MED14: variants seen among roughly 807,000 people sequenced by gnomAD.
The protein encoded by MED14 is mediator of RNA polymerase II transcription subunit 14.
Under a neutral mutation model 109.0 loss-of-function variants are expected in MED14, and 8 were observed. The observed-to-expected ratio is 0.07, with a 90% confidence interval of 0.04 to 0.13. MED14 has a LOEUF of 0.13. Ranked by LOEUF, MED14 falls within the 10% of genes least tolerant of loss-of-function variation. MED14 has a pLI of 1.00. For synonymous variants in MED14, 399 were observed against 408.7 expected (o/e 0.98, Z 0.29); for missense variants, 711 against 1,142.4 (o/e 0.62, Z 5.44).
intron 8 of MED14, among the ~76,000 whole-genome samples, chrX:40,710,490 A>G (rs1931300692): frequency 2.7e-5 from 3 of 111,876 alleles, no homozygotes; most frequent in Non-Finnish European, 1.9e-5. Context: ...GGAATCAAGT[A>G]AAGTTCAAAC....
intron 18 of MED14, 86 bp downstream of exon 18, chrX:40,682,511 TGGAACA>T: frequency 1.3e-6 from 1 of 744,291 alleles, no homozygotes; most frequent in African/African-American, 2.1e-5. Context: ...TTTTTTTGCT[TGGAACA>T]CTGTGCATGT....
chrX:40,724,351 T>C (rs1203097231), intron 3 of MED14, among the ~76,000 whole-genome samples: 4 of 112,599 alleles, frequency 3.6e-5, no homozygotes, highest in African/African-American at 1.3e-4. Context: ...TAGATATTTA[T>C]GGAACATTTT....
chrX:40,708,098 T>C (rs1215604926), intron 10 of MED14, among the ~76,000 whole-genome samples: 2 of 110,675 alleles, frequency 1.8e-5, no homozygotes, highest in Non-Finnish European at 1.9e-5. Flanking sequence ...AATGAAGTAC[T>C]GATAAAGCTA....
chrX:40,721,391 G>T (rs146707160), intron 3 of MED14, among the ~76,000 whole-genome samples: 1,671 of 112,486 alleles, frequency 0.015, 14 homozygotes, highest in Middle Eastern at 0.06. Flanking sequence ...ATGGCCAAAG[G>T]GGGAGGCTCC....
chrX:40,691,902 G>A (rs947859745), intron 15 of MED14, among the ~76,000 whole-genome samples: 6 of 109,766 alleles, frequency 5.5e-5, no homozygotes, highest in Admixed American at 3.9e-4. Flanking sequence ...GTGAGCCACC[G>A]TGCCCAGCCC....
At chrX:40,731,140 C>CAAA (rs34609114) in intron 1 of MED14, among the ~76,000 whole-genome samples, 15 of 92,812 alleles carry the variant, frequency 1.6e-4, no homozygotes, top group East Asian at 6.8e-4. Flanking sequence ...GACCCTGTCT[C>CAAA]AAAAAAAAAA....
At chrX:40,656,454 G>T (rs1929058365) in intron 28 of MED14, among the ~76,000 whole-genome samples, 1 of 112,297 alleles carries the variant, frequency 8.9e-6, no homozygotes, top group South Asian at 3.7e-4. Flanking sequence ...AAGGATGTGG[G>T]AAAAAGCCAG....
intron 11 of MED14, among the ~76,000 whole-genome samples, chrX:40,702,665 G>C (rs752907622): frequency 1.5e-4 from 17 of 111,384 alleles, no homozygotes; most frequent in Non-Finnish European, 2.6e-4. Context: ...AAGTTTTTAA[G>C]AACAAACAAC....
chrX:40,689,984 C>G (rs957254253), intron 15 of MED14, among the ~76,000 whole-genome samples: 7 of 112,060 alleles, frequency 6.2e-5, no homozygotes, highest in African/African-American at 2.3e-4. Flanking sequence ...CCTACAAAGA[C>G]ACACATTTTT....
intron 11 of MED14, among the ~76,000 whole-genome samples, chrX:40,702,675 C>T (rs1052779885): frequency 4.5e-5 from 5 of 111,623 alleles, no homozygotes; most frequent in African/African-American, 1.3e-4. Flanking sequence ...GAACAAACAA[C>T]ATTTGCCTTA....
At chrX:40,713,242 A>G (rs1403243422) in intron 5 of MED14, among the ~76,000 whole-genome samples, 200 bp from the exon 6 acceptor site, 1 of 111,625 alleles carries the variant, frequency 9.0e-6, no homozygotes, top group Non-Finnish European at 1.9e-5. Flanking sequence ...CAACTCTTCT[A>G]ACATAAATGA....
At chrX:40,696,821 C>T (rs1326590631) in intron 13 of MED14, among the ~76,000 whole-genome samples, 1 of 111,510 alleles carries the variant, frequency 9.0e-6, no homozygotes, top group Admixed American at 9.5e-5. Context: ...CAGGACAGAC[C>T]CTAGAGTGAG....
rs560002776 is a variant in MED14 at position 40,699,867 on chromosome X, T to C, written c.1490+1298A>G. Among the ~76,000 whole-genome samples, 4 of 110,575 alleles carry C rather than the reference T, an allele frequency of 3.6e-5. No homozygotes were observed. The South Asian group carries it at 1.5e-3, about 42-fold the overall frequency. ...TGGCTTTAAAAATCATGCCCTGCGC[T>C]GGGCACGGTGGCTCACGCCTGTAAT... On this transcript the variant is annotated intron_variant, in intron 12 of 30. Transcript: ENST00000324817.
intron 1 of MED14, among the ~76,000 whole-genome samples, chrX:40,731,188 C>T (rs962269790): frequency 1.9e-5 from 2 of 107,802 alleles, no homozygotes; most frequent in African/African-American, 6.8e-5. Context: ...AAAGTCAAGG[C>T]AGAGAGTAAA....
At chrX:40,734,249 C>A in intron 1 of MED14, among the ~76,000 whole-genome samples, 1 of 112,101 alleles carries the variant, frequency 8.9e-6, no homozygotes, top group East Asian at 2.8e-4. Context: ...TTCTTTAACA[C>A]TACTTTTTTC....
chrX:40,723,417 G>A (rs1317221020), intron 3 of MED14, among the ~76,000 whole-genome samples: 1 of 110,884 alleles, frequency 9.0e-6, no homozygotes, highest in Non-Finnish European at 1.9e-5. Context: ...TGTAATCCCA[G>A]CACTTTGAGA....
Position 40,681,878 on chromosome X carries a change from A to C in MED14, c.2431T>G (p.Cys811Gly). ...GAGCTTCCCTTGGTGGTTCCATAAC[A>C]CAAGATAAGTTTTCGGTAATTATAA... ...RVYNYRKLIL[C>G]YGTTKGSSIS... is the part of the protein sequence containing the mutation. The change falls in exon 19 of 31, where the codon TGT becomes GGT. Residue 811 changes from cysteine (C) to glycine (G), a missense_variant. Physicochemically the swap from Cys to Gly is radical, Grantham distance 159. Coordinates refer to ENST00000324817, the MANE Select transcript of MED14 (RefSeq NM_004229.4). 1 of 1,154,692 alleles carries C rather than the reference A, an allele frequency of 8.7e-7. No homozygotes were observed. Among genetic ancestry groups the C allele is most frequent in the Non-Finnish European group, 1.2e-6 (1 of 859,945 alleles).
chrX:40,670,531 G>A (rs1327682989), intron 23 of MED14, among the ~76,000 whole-genome samples: 9 of 111,343 alleles, frequency 8.1e-5, no homozygotes, highest in African/African-American at 2.9e-4. Flanking sequence ...GGAGGCCGAG[G>A]CGGGTGGATC....
chrX:40,722,438 A>T (rs1173688731), intron 3 of MED14, among the ~76,000 whole-genome samples: 2 of 111,818 alleles, frequency 1.8e-5, no homozygotes, highest in African/African-American at 6.5e-5. Context: ...AGACAAAAGA[A>T]CAAAAAAGAA....
Sources: allele counts gnomAD v4.1 joint callset (sites outside exome capture counted in the v4.1 genomes callset), GRCh38; gene constraint gnomAD v4.1.1; transcripts MANE v1.5; gene names NCBI Gene and HGNC (gene_info 2026-07-23, HGNC 2026-07-21).